Variants in RPS6KA5 observed in about 807,000 individuals in gnomAD.
The protein encoded by RPS6KA5 is ribosomal protein S6 kinase A5.
A neutral mutation model predicts 85.5 loss-of-function variants in RPS6KA5; 27 were observed. That is an observed-to-expected ratio of 0.32 (90% CI 0.23 to 0.44). RPS6KA5 has a LOEUF of 0.44. RPS6KA5 is among the 20% of genes least tolerant of loss of function. RPS6KA5 has a pLI of 1.00. For missense variants in RPS6KA5, 811 were observed against 980.9 expected, an observed-to-expected ratio of 0.83 and a Z score of 2.31; for synonymous variants, 334 against 348.2, an observed-to-expected ratio of 0.96 and a Z score of 0.46.
At chr14:90,981,348 A>T (rs1020049106) in intron 2 of RPS6KA5, among the ~76,000 whole-genome samples, 8 of 152,164 alleles carry the variant, frequency 5.3e-5, no homozygotes, top group African/African-American at 1.9e-4. Context: ...CCAATCTCAA[A>T]GTAAGATGAC....
At chr14:90,906,039 C>A in intron 8 of RPS6KA5, 110 bp downstream of exon 8, 1 of 1,062,986 alleles carries the variant, frequency 9.4e-7, no homozygotes, top group Non-Finnish European at 1.3e-6. Context: ...GTGAAAATGC[C>A]AGTGGAAAAT....
rs1483403073 is a variant in RPS6KA5, at chr14:90,945,570, G to GT, written c.510+1864dup. Among the ~76,000 whole-genome samples, 7 of 152,204 alleles carry GT rather than the reference G, an allele frequency of 4.6e-5. 1 individual carries two copies. In the East Asian group the frequency reaches 1.2e-3, roughly 25 times the overall value. ...TGCTGGCTTTGCGTTATATTTATCT[G>GT]TATCTTTTTAGGGTAGTAAGATTAA... On this transcript the variant is annotated intron_variant, in intron 4 of 16. Coordinates refer to ENST00000614987, the MANE Select transcript of RPS6KA5 (RefSeq NM_004755.4).
intron 3 of RPS6KA5, among the ~76,000 whole-genome samples, chr14:90,964,914 C>CAAAA (rs10713991): frequency 1.4e-5 from 1 of 70,654 alleles, no homozygotes; most frequent in African/African-American, 5.2e-5. Flanking sequence ...GACCCTGTCT[C>CAAAA]AAAAAAAAAA....
In RPS6KA5 at chr14:90,854,858, TG is replaced by T. The variant is rs950368456; in HGVS notation, c.*17215del. On this transcript the variant is annotated 3_prime_UTR_variant, in exon 17 of 17. Transcript: ENST00000614987. ...GTTACTTCAAAAAATACCTTCAAAA[TG>T]TTTACCATTCAAAACATATAAAAAG... 6.6e-6 allele frequency: 1 copy of T among 152,212 alleles called. No homozygotes were observed. The highest frequency in any genetic ancestry group is 2.4e-5 in the African/African-American group (1 of 41,462). The allele number at this position is 152,212 out of a possible 1,614,324, so 9.4% of individuals were successfully genotyped here. A position where few individuals can be genotyped will look rare whatever the true frequency, so the allele number is the denominator to read the frequency against.
chr14:90,932,691 C>T (rs371937033), intron 5 of RPS6KA5, among the ~76,000 whole-genome samples: 1 of 152,190 alleles, frequency 6.6e-6, no homozygotes, highest in Non-Finnish European at 1.5e-5. Flanking sequence ...TCTTCAGTTT[C>T]TAAGCATGAA....
chr14:90,926,335 G>C (rs146462079), intron 5 of RPS6KA5, among the ~76,000 whole-genome samples: 3,153 of 150,106 alleles, frequency 0.021, 47 homozygotes, highest in Middle Eastern at 0.034. Context: ...AGGTTGCAGT[G>C]AGCAGAGATC....
chr14:90,990,059 G>A (rs1208650005), intron 2 of RPS6KA5, among the ~76,000 whole-genome samples: 1 of 152,118 alleles, frequency 6.6e-6, no homozygotes, highest in East Asian at 1.9e-4. Flanking sequence ...TGGAAAAAAA[G>A]ATGAGCACTA....
At chr14:90,921,743 TA>T (rs2036409752) in intron 6 of RPS6KA5, among the ~76,000 whole-genome samples, 1 of 152,182 alleles carries the variant, frequency 6.6e-6, no homozygotes, top group Non-Finnish European at 1.5e-5. Flanking sequence ...TGCTTTTAAA[TA>T]CATGATTAGT....
At chr14:90,906,357 C>CAAA (rs2035504714) in intron 7 of RPS6KA5, 58 bp from the exon 8 acceptor site, 1 of 1,162,722 alleles carries the variant, frequency 8.6e-7, no homozygotes, top group Non-Finnish European at 1.2e-6. Context: ...AAAAAAAAAG[C>CAAA]ATGGTGAAAT....
chr14:90,956,751 A>G (rs2038535589), intron 3 of RPS6KA5, among the ~76,000 whole-genome samples: 1 of 151,764 alleles, frequency 6.6e-6, no homozygotes. Flanking sequence ...TTGGGTTTAT[A>G]CCAACTTCTG....
chr14:90,991,039 G>A (rs116702283), intron 2 of RPS6KA5, among the ~76,000 whole-genome samples: 2,721 of 151,978 alleles, frequency 0.018, 63 homozygotes, highest in African/African-American at 0.063. Flanking sequence ...AAAAGTTGGG[G>A]AAAAAAATAG....
chr14:91,001,476 G>A (rs570532457), intron 1 of RPS6KA5, among the ~76,000 whole-genome samples: 1 of 152,126 alleles, frequency 6.6e-6, no homozygotes, highest in Non-Finnish European at 1.5e-5. Flanking sequence ...TATGTAGATA[G>A]ATACATAGTG....
intron 1 of RPS6KA5, among the ~76,000 whole-genome samples, chr14:91,036,742 A>G (rs2042425159): frequency 6.6e-6 from 1 of 152,150 alleles, no homozygotes; most frequent in Non-Finnish European, 1.5e-5. Context: ...AGAATTGTCA[A>G]TTGTCTGTGC....
intron 3 of RPS6KA5, among the ~76,000 whole-genome samples, chr14:90,964,990 C>T (rs2038988763): frequency 6.7e-6 from 1 of 148,816 alleles, no homozygotes; most frequent in African/African-American, 2.5e-5. Flanking sequence ...CAAGTCACAA[C>T]AAACATACAT....
At position 90,866,036 on chromosome 14, in the gene RPS6KA5, A is replaced by G. The variant is rs941471509; in HGVS notation, c.*6038T>C. 6.6e-6 allele frequency: 1 copy of G among 151,224 alleles called. No individual in the cohort carries two copies. Among genetic ancestry groups the G allele is most frequent in the Non-Finnish European group, 1.5e-5 (1 of 67,832 alleles). 9.4% of individuals were successfully genotyped at this position (151,224 alleles called of 1,614,324 possible). A position where few individuals can be genotyped will look rare whatever the true frequency, so the allele number is the denominator to read the frequency against. On this transcript the variant is annotated 3_prime_UTR_variant, in exon 17 of 17. Coordinates refer to ENST00000614987, the MANE Select transcript of RPS6KA5 (RefSeq NM_004755.4). Reference sequence around the variant, plus strand: ...ATTTCTCTGAACGGAATTACAATTTATAAATGTAGGTCCACATGCAGATAT... The same window carrying G: ...ATTTCTCTGAACGGAATTACAATTTGTAAATGTAGGTCCACATGCAGATAT...
intron 3 of RPS6KA5, among the ~76,000 whole-genome samples, chr14:90,951,112 CAGTCT>C (rs1426182025): frequency 2.3e-5 from 2 of 88,646 alleles, no homozygotes; most frequent in African/African-American, 4.2e-5. Context: ...GAGAGAGACT[CAGTCT>C]CAAAAAAAAA....
chr14:91,037,919 C>T (rs908857580), intron 1 of RPS6KA5, among the ~76,000 whole-genome samples: 6 of 152,166 alleles, frequency 3.9e-5, no homozygotes, highest in Admixed American at 2.6e-4. Context: ...CCTGGGATTA[C>T]GTGCTTGAGT....
chr14:90,929,983 G>C (rs2036884766), intron 5 of RPS6KA5, among the ~76,000 whole-genome samples: 1 of 152,058 alleles, frequency 6.6e-6, no homozygotes, highest in Admixed American at 6.6e-5. Context: ...TGAACCTTCT[G>C]CCTCAGCTTC....
intron 1 of RPS6KA5, among the ~76,000 whole-genome samples, chr14:91,029,029 T>C (rs8003112): frequency 0.71 from 107,471 of 152,076 alleles, 38,121 homozygotes; most frequent in East Asian, 0.87. Flanking sequence ...TGGGTCACAC[T>C]TCTGGAAGTA....
Sources: gnomAD v4.1 joint callset for allele counts (sites outside exome capture counted in the v4.1 genomes callset) on GRCh38, gnomAD v4.1.1 for gene constraint, MANE v1.5 for transcripts, NCBI Gene and HGNC (gene_info 2026-07-23, HGNC 2026-07-21) for gene names.